Variants in AKAP7 observed in about 807,000 individuals in gnomAD.
The protein encoded by AKAP7 is A-kinase anchoring protein 7, also known as A kinase (PRKA) anchor protein 7.
A neutral mutation model predicts 39.5 loss-of-function variants in AKAP7; 39 were observed. The ratio of observed to expected loss-of-function variants is 0.99; its 90% CI spans 0.76 to 1.29. The LOEUF (loss-of-function observed/expected upper bound fraction) is 1.29, where lower values mean the gene tolerates loss of function less well. AKAP7 is among the 50% of genes most tolerant of loss of function. AKAP7 has a pLI of 0.00. For synonymous variants in AKAP7, 140 were observed against 139.1 expected, an observed-to-expected ratio of 1.01 and a Z score of -0.05; for missense variants, 414 against 407.7, an observed-to-expected ratio of 1.02 and a Z score of -0.13.
chr6:131,127,147 G>A, the AKAP7 span, among the ~76,000 whole-genome samples: 1 of 152,060 alleles, frequency 6.6e-6, no homozygotes, highest in Non-Finnish European at 1.5e-5. Context: ...CTGGATGCAA[G>A]CGATTTTCCT....
intron 7 of AKAP7, among the ~76,000 whole-genome samples, chr6:131,240,862 G>A (rs1188909621): frequency 2.0e-5 from 3 of 152,160 alleles, no homozygotes; most frequent in African/African-American, 7.2e-5. Flanking sequence ...TCCCGGGTGA[G>A]GTGATGCCTT....
chr6:131,251,708 G>A (rs574108270), intron 7 of AKAP7, among the ~76,000 whole-genome samples: 1 of 152,348 alleles, frequency 6.6e-6, no homozygotes, highest in South Asian at 2.1e-4. Flanking sequence ...TTAACAAGGA[G>A]CCAATAAGCT....
At position 131,281,706 on chromosome 6, in the gene AKAP7, A is replaced by T. The variant is rs1228447992; in HGVS notation, c.1027A>T (p.Asn343Tyr). The change falls in exon 8 of 8, where the codon AAT (asparagine) becomes TAT (tyrosine). Residue 343 changes from asparagine (N) to tyrosine (Y), a missense_variant. By Grantham distance (143) the Asn-to-Tyr change is moderately radical. Transcript: ENST00000431975. The surrounding 1 kb of genome is among the most constrained non-coding windows in gnomAD (Gnocchi z 4.0). ...AGCAGCTGATCAGAATGGCAATGAC[A>T]ATGAGAACAACAGGAAATGAGCCCG... ...TEAADQNGND[N>Y]ENNRK 6.2e-7 allele frequency: 1 copy of T among 1,608,578 alleles called. No individual in the cohort carries two copies. The highest frequency in any genetic ancestry group is 8.5e-7 in the Non-Finnish European group (1 of 1,177,706).
chr6:131,276,250 A>G (rs1393389503), intron 7 of AKAP7, among the ~76,000 whole-genome samples: 3 of 152,166 alleles, frequency 2.0e-5, no homozygotes, highest in Non-Finnish European at 4.4e-5. Context: ...TTTTAATTAT[A>G]AAATTTTCTG....
intron 1 of AKAP7, among the ~76,000 whole-genome samples, chr6:131,144,499 T>C (rs996034264): frequency 6.6e-6 from 1 of 152,228 alleles, no homozygotes; most frequent in Non-Finnish European, 1.5e-5. Flanking sequence ...TCAATCTTAT[T>C]AGTTCGGACA....
intron 7 of AKAP7, among the ~76,000 whole-genome samples, chr6:131,271,419 C>T (rs1380516293): frequency 2.0e-5 from 3 of 152,072 alleles, no homozygotes; most frequent in African/African-American, 7.2e-5. Flanking sequence ...TATGTCTATA[C>T]TTATGCCAAT....
rs1815199069 is a variant in AKAP7 at position 131,281,615 on chromosome 6, C to A, written c.936C>A (p.Val312=). 1 of 1,613,266 alleles carries A rather than the reference C, an allele frequency of 6.2e-7. No individual in the cohort carries two copies. The change falls in exon 8 of 8, where the codon GTC becomes GTA. Residue 312 remains valine (V), a synonymous_variant. Coordinates refer to ENST00000431975, the MANE Select transcript of AKAP7 (RefSeq NM_016377.4). This position sits in a 1 kb window ranked among gnomAD's most constrained non-coding sequence, Gnocchi z 4.0. ...RLVENAVLKA[V]QQYLEETQNK... ...TGGAGAACGCGGTGCTCAAGGCTGT[C>A]CAGCAGTATCTGGAGGAAACACAGA...
chr6:131,177,713 TA>T (rs1442417755), intron 5 of AKAP7, among the ~76,000 whole-genome samples: 30 of 152,336 alleles, frequency 2.0e-4, no homozygotes, highest in Middle Eastern at 3.4e-3. Context: ...ACAAAGAAGT[TA>T]AGTAATTTGT....
At chr6:131,272,733 A>G (rs1032760075) in intron 7 of AKAP7, among the ~76,000 whole-genome samples, 4 of 152,186 alleles carry the variant, frequency 2.6e-5, no homozygotes, top group Non-Finnish European at 5.9e-5. Flanking sequence ...TGAGTTCAGT[A>G]TTTTTAACTA....
intron 6 of AKAP7, among the ~76,000 whole-genome samples, chr6:131,211,605 A>G (rs1808648533): frequency 6.6e-6 from 1 of 151,526 alleles, no homozygotes; most frequent in Admixed American, 6.6e-5. Context: ...CTCTACTAAA[A>G]AAAAAAAAAT....
chr6:131,218,181 A>C (rs1194506227), intron 6 of AKAP7, among the ~76,000 whole-genome samples: 1 of 152,236 alleles, frequency 6.6e-6, no homozygotes, highest in Admixed American at 6.5e-5. Context: ...AAAAACATGC[A>C]TCAATAGAAA....
intron 6 of AKAP7, among the ~76,000 whole-genome samples, chr6:131,206,027 A>G (rs970832229): frequency 2.0e-5 from 3 of 152,216 alleles, no homozygotes; most frequent in East Asian, 3.8e-4. Context: ...AGTGATTTCA[A>G]TGTTGCAAAT....
At chr6:131,214,182 T>G (rs1050871094) in intron 6 of AKAP7, among the ~76,000 whole-genome samples, 1 of 152,180 alleles carries the variant, frequency 6.6e-6, no homozygotes, top group South Asian at 2.1e-4. Context: ...ATCCAGCACT[T>G]CTTAAAAGTT....
intron 7 of AKAP7, among the ~76,000 whole-genome samples, chr6:131,246,006 T>C (rs1262988405): frequency 6.6e-6 from 1 of 151,804 alleles, no homozygotes; most frequent in Non-Finnish European, 1.5e-5. Flanking sequence ...AATTGATAAT[T>C]TGCATAGTTT....
chr6:131,207,355 G>T (rs1197823706), intron 6 of AKAP7, among the ~76,000 whole-genome samples: 8 of 149,484 alleles, frequency 5.4e-5, no homozygotes, highest in Non-Finnish European at 1.0e-4. Context: ...GATCTCACTT[G>T]GTTGCCCAGA....
rs566383205 is a variant in AKAP7 at position 131,219,739 on chromosome 6, G to C, written c.781G>C (p.Asp261His). The C allele has an allele frequency of 4.4e-6, 7 of 1,599,016 alleles. No homozygotes were observed. The East Asian group carries it at 1.6e-4, about 37-fold the overall frequency. The change falls in exon 7 of 8, where the codon GAT becomes CAT. Residue 261 changes from aspartate (D) to histidine (H), a missense_variant. By Grantham distance (81) the Asp-to-His change is moderately conservative. Transcript: ENST00000431975. The stretch of plus-strand genomic sequence containing the variant: ...TGGAGAAGAAATATTATATCGCATA[G>C]ATCTTTGCTCCATGCTGAAGAAAAA... ...RFGEEILYRIDLCSMLKKKQS... is the reference protein window; with the variant it reads ...RFGEEILYRIHLCSMLKKKQS...
chr6:131,226,759 C>T (rs918161796), intron 7 of AKAP7, among the ~76,000 whole-genome samples: 8 of 152,030 alleles, frequency 5.3e-5, no homozygotes, highest in South Asian at 2.1e-4. Flanking sequence ...AAGGTCTAGA[C>T]GTTTTTTGTT....
Position 131,178,182 on chromosome 6 carries a change from C to T in AKAP7, c.589+8909C>T, listed in dbSNP as rs538794367. On this transcript the variant is annotated intron_variant, in intron 5 of 7. Transcript: ENST00000431975. The stretch of plus-strand genomic sequence containing the variant: ...CACGAGCACAATCTGTCCAGCCATC[C>T]TGGCACAAAGTGAGCTTTGGAGTCA... 3.3e-4 allele frequency among the ~76,000 whole-genome samples: 50 copies of T among 152,350 alleles called. 1 individual carries two copies. Among genetic ancestry groups the T allele is most frequent in the Non-Finnish European group, 4.4e-5 (3 of 68,040 alleles).
At chr6:131,226,403 A>C (rs991454628) in intron 7 of AKAP7, among the ~76,000 whole-genome samples, 6 of 152,244 alleles carry the variant, frequency 3.9e-5, no homozygotes, top group Non-Finnish European at 8.8e-5. Flanking sequence ...GGGTGACATT[A>C]TGCCTGCTTG....
Sources: allele counts gnomAD v4.1 joint callset (sites outside exome capture counted in the v4.1 genomes callset), GRCh38; gene constraint gnomAD v4.1.1; non-coding constraint Gnocchi (gnomAD v3.1); transcripts MANE v1.5; gene names NCBI Gene and HGNC (gene_info 2026-07-23, HGNC 2026-07-21).